The following ATP8A2 variants were observed in gnomAD, a reference collection of about 807,000 sequenced individuals.
The protein encoded by ATP8A2 is ATPase phospholipid transporting 8A2.
ATP8A2 carries 100 observed loss-of-function variants against 165.6 expected under a neutral mutation model. The ratio of observed to expected loss-of-function variants is 0.60; its 90% CI spans 0.51 to 0.71. The LOEUF is 0.71. Among genes scored for constraint, ATP8A2 ranks in the 30% least tolerant of loss-of-function variants. ATP8A2 has a pLI of 0.00. For missense variants in ATP8A2, 1,227 were observed against 1,479.5 expected, an observed-to-expected ratio of 0.83 and a Z score of 2.80; for synonymous variants, 543 against 548.8, an observed-to-expected ratio of 0.99 and a Z score of 0.15.
intron 1 of ATP8A2, among the ~76,000 whole-genome samples, chr13:25,430,309 C>T (rs1279922350): frequency 2.0e-5 from 3 of 151,790 alleles, no homozygotes; most frequent in Admixed American, 6.6e-5. Flanking sequence ...CATGGGGGGG[C>T]CCGTGTGGAG....
intron 25 of ATP8A2, among the ~76,000 whole-genome samples, chr13:25,719,124 C>T (rs1009106199): frequency 6.6e-6 from 1 of 152,220 alleles, no homozygotes; most frequent in Non-Finnish European, 1.5e-5. Context: ...GAATCCATCT[C>T]CGTGTCGGAA....
chr13:25,867,486 G>T (rs1355108220), intron 33 of ATP8A2, among the ~76,000 whole-genome samples: 1 of 152,146 alleles, frequency 6.6e-6, no homozygotes, highest in East Asian at 1.9e-4. Flanking sequence ...GGAGCTTAAC[G>T]GTAGGAATCC....
At chr13:25,857,545 T>TGTTTC (rs1191747624) in intron 30 of ATP8A2, among the ~76,000 whole-genome samples, 1 of 148,522 alleles carries the variant, frequency 6.7e-6, no homozygotes, top group Non-Finnish European at 1.5e-5. Context: ...TTGGCTAATA[T>TGTTTC]GTTTCTTTTC....
intron 33 of ATP8A2, among the ~76,000 whole-genome samples, chr13:25,958,327 G>T (rs778900010): frequency 7.2e-5 from 11 of 151,992 alleles, no homozygotes; most frequent in Non-Finnish European, 1.5e-4. Context: ...ACCTTTTCTA[G>T]TTTGTCACCA....
chr13:25,630,667 C>T (rs1660991694), intron 24 of ATP8A2, among the ~76,000 whole-genome samples: 1 of 152,138 alleles, frequency 6.6e-6, no homozygotes, highest in Non-Finnish European at 1.5e-5. Context: ...AATCTTGAGA[C>T]AGCCCTTATG....
intron 24 of ATP8A2, among the ~76,000 whole-genome samples, chr13:25,646,810 C>CT (rs76802204): frequency 0.034 from 5,240 of 152,082 alleles, 158 homozygotes; most frequent in East Asian, 0.13. Flanking sequence ...TACTTTGTTC[C>CT]TTTTTCCATT....
intron 24 of ATP8A2, among the ~76,000 whole-genome samples, chr13:25,634,428 A>T (rs1001679713): frequency 2.0e-5 from 3 of 152,230 alleles, no homozygotes; most frequent in Admixed American, 2.0e-4. Context: ...CGCTGTTATT[A>T]GTCCCATAAA....
intron 2 of ATP8A2, among the ~76,000 whole-genome samples, chr13:25,512,641 C>T (rs34456309): frequency 0.066 from 9,273 of 140,936 alleles, 484 homozygotes; most frequent in African/African-American, 0.11. Flanking sequence ...GGGGGGCTGA[C>T]CCCCCACCTC....
chr13:25,748,168 T>C lies in ATP8A2; in HGVS notation c.2385-20878T>C, dbSNP rs17082714. On this transcript the variant is annotated intron_variant, in intron 25 of 36. Coordinates refer to ENST00000381655, the MANE Select transcript of ATP8A2 (RefSeq NM_016529.6). ...TATAGATAGTATTGGACATTGTGAATGGGCTAGTTTAAATTAAGAACAATT... is the reference window on the plus strand; with the variant it reads ...TATAGATAGTATTGGACATTGTGAACGGGCTAGTTTAAATTAAGAACAATT... Among the ~76,000 whole-genome samples the C allele has an allele frequency of 4.3e-3, 651 of 152,352 alleles. 4 individuals carry two copies. Among genetic ancestry groups the C allele is most frequent in the African/African-American group, 0.015 (611 of 41,582 alleles).
intron 1 of ATP8A2, among the ~76,000 whole-genome samples, chr13:25,433,522 C>T (rs1354953961): frequency 6.6e-6 from 1 of 152,140 alleles, no homozygotes; most frequent in Non-Finnish European, 1.5e-5. Context: ...AATCCTCCTG[C>T]CTGAGCCTCC....
chr13:25,884,667 G>A (rs1281552363), intron 33 of ATP8A2, among the ~76,000 whole-genome samples: 1 of 152,204 alleles, frequency 6.6e-6, no homozygotes, highest in African/African-American at 2.4e-5. Flanking sequence ...GCTGCTCTGA[G>A]CTCTTCAACT....
At chr13:25,384,140 TTTA>T (rs2032954669) in intron 1 of ATP8A2, among the ~76,000 whole-genome samples, 1 of 152,244 alleles carries the variant, frequency 6.6e-6, no homozygotes, top group South Asian at 2.1e-4. Context: ...GGCACCCTGC[TTTA>T]TTATCTTACT....
At chr13:25,424,419 A>AAT (rs2034384685) in intron 1 of ATP8A2, among the ~76,000 whole-genome samples, 1 of 152,142 alleles carries the variant, frequency 6.6e-6, no homozygotes, top group Non-Finnish European at 1.5e-5. Context: ...GCCACCTTCC[A>AAT]ATATAGGAGG....
chr13:25,889,659 CA>C (rs769871860), intron 33 of ATP8A2, among the ~76,000 whole-genome samples: 220 of 151,958 alleles, frequency 1.4e-3, no homozygotes, highest in Non-Finnish European at 2.4e-3. Flanking sequence ...CAGTCTCCAG[CA>C]GCACTTACCT....
At chr13:25,911,362 G>A (rs1310744225) in intron 33 of ATP8A2, among the ~76,000 whole-genome samples, 1 of 152,122 alleles carries the variant, frequency 6.6e-6, no homozygotes, top group Non-Finnish European at 1.5e-5. Flanking sequence ...ATACAGCATG[G>A]CACAGGCCTA....
intron 2 of ATP8A2, among the ~76,000 whole-genome samples, chr13:25,520,883 G>A (rs996864805): frequency 2.0e-5 from 3 of 152,022 alleles, no homozygotes; most frequent in Admixed American, 2.0e-4. Context: ...CAAAGTGTTG[G>A]GATTACAGGC....
At chr13:26,011,099 C>T (rs913766219) in intron 35 of ATP8A2, among the ~76,000 whole-genome samples, 5 of 152,168 alleles carry the variant, frequency 3.3e-5, no homozygotes, top group Non-Finnish European at 7.3e-5. Context: ...GCAGCTTCTT[C>T]TACAACTCCG....
In ATP8A2 at chr13:26,005,794, C is replaced by T. The variant is rs139419005; in HGVS notation, c.3378-6737C>T. 5.3e-3 allele frequency among the ~76,000 whole-genome samples: 803 copies of T among 152,072 alleles called. 2 individuals carry two copies. Among genetic ancestry groups the T allele is most frequent in the Non-Finnish European group, 8.5e-3 (578 of 67,868 alleles). On this transcript the variant is annotated intron_variant, in intron 35 of 36. Transcript: ENST00000381655. ...TATTCTTTTATTATTGAATGGTCTTCACATCCATGTCAAAAATTAAGTGAC... is the reference window on the plus strand; with the variant it reads ...TATTCTTTTATTATTGAATGGTCTTTACATCCATGTCAAAAATTAAGTGAC...
At chr13:25,663,198 A>C (rs1247889886) in intron 24 of ATP8A2, among the ~76,000 whole-genome samples, 1 of 152,262 alleles carries the variant, frequency 6.6e-6, no homozygotes, top group Non-Finnish European at 1.5e-5. Flanking sequence ...ATAATTCCAA[A>C]GCCAATGCAG....
Sources: allele counts gnomAD v4.1 joint callset (sites outside exome capture counted in the v4.1 genomes callset), GRCh38; gene constraint gnomAD v4.1.1; transcripts MANE v1.5; gene names NCBI Gene and HGNC (gene_info 2026-07-23, HGNC 2026-07-21).